COL1A1: variants seen among roughly 807,000 people sequenced by gnomAD.
COL1A1 encodes collagen alpha-1(I) chain.
COL1A1 carries 21 observed loss-of-function variants against 195.7 expected under a neutral mutation model. That is an observed-to-expected ratio of 0.11 (90% CI 0.08 to 0.15). The LOEUF is 0.15. Ranked by LOEUF, COL1A1 falls within the 10% of genes least tolerant of loss-of-function variation. The pLI, the probability that COL1A1 is intolerant of heterozygous loss-of-function variation, is 1.00. For synonymous variants in COL1A1, 749 were observed against 747.3 expected (o/e 1.00, Z -0.04); for missense variants, 1,365 against 2,051.0 (o/e 0.67, Z 6.46).
In COL1A1 at chr17:50,195,613, C is replaced by A. The variant is rs750756697; in HGVS notation, c.1109G>T (p.Arg370Leu). Residue 370 changes from arginine (R) to leucine (L), a missense_variant, in exon 17 of 51, where the codon CGT (arginine) becomes CTT (leucine). Coordinates refer to ENST00000225964, the MANE Select transcript of COL1A1 (RefSeq NM_000088.4). This position sits in a 1 kb window ranked among gnomAD's most constrained non-coding sequence, Gnocchi z 4.3. Reference protein sequence around the residue: ...PRGSEGPQGVRGEPGPPGPAG... With the variant: ...PRGSEGPQGVLGEPGPPGPAG... Reference sequence around the variant, plus strand: ...AGGGCCAGGGGGGCCAGGCTCACCACGCACACCCTGGGGACCTTCAGAGCC... The same window carrying A: ...AGGGCCAGGGGGGCCAGGCTCACCAAGCACACCCTGGGGACCTTCAGAGCC... The A allele has an allele frequency of 3.7e-6, 6 of 1,613,824 alleles. No individual in the cohort carries two copies. Among genetic ancestry groups the A allele is most frequent in the Non-Finnish European group, 5.1e-6 (6 of 1,179,920 alleles).
intron 25 of COL1A1, 103 bp downstream of exon 25, chr17:50,193,840 C>T (rs1283130569): frequency 9.7e-7 from 1 of 1,034,156 alleles, no homozygotes; most frequent in Non-Finnish European, 1.5e-6. Context: ...AGTGAGTGGC[C>T]ACACGGCAGG....
rs35017779 is a variant in COL1A1, at chr17:50,191,443, G to A, written c.2175C>T (p.Gly725=). The change falls in exon 32 of 51, where the codon GGC becomes GGT. Residue 725 remains glycine, a synonymous_variant. Coordinates refer to ENST00000225964, the MANE Select transcript of COL1A1 (RefSeq NM_000088.4). ...PGAPGSQGAP[G]LQGMPGERGA... ...CACGTTCACCAGGCATTCCCTGAAG[G>A]CCAGGGGCGCCCTGGCTACCGGGAG... 3,130 of 1,614,030 alleles carry A rather than the reference G, an allele frequency of 1.9e-3. 67 individuals are homozygous for A. In the African/African-American group the frequency reaches 0.035, roughly 18 times the overall value.
chr17:50,199,758 C>A lies in COL1A1; in HGVS notation c.293G>T (p.Gly98Val). Residue 98 changes from glycine to valine, a missense_variant, in exon 2 of 51, where the codon GGC (glycine) becomes GTC (valine). Physicochemically the swap from Gly to Val is moderately radical, Grantham distance 109. This residue lies in a region of COL1A1 where 194 missense variants were observed against 221.7 expected (regional missense o/e 0.88). Coordinates refer to ENST00000225964, the MANE Select transcript of COL1A1 (RefSeq NM_000088.4). ...EGECCPVCPDGSESPTDQETT... is the reference protein window; with the variant it reads ...EGECCPVCPDVSESPTDQETT... ...GGCCCCGAGCGCAGCCGCACCTGAG[C>A]CGTCGGGGCAGACGGGACAGCACTC... 6.2e-7 allele frequency: 1 copy of A among 1,612,390 alleles called. No homozygotes were observed. The highest frequency in any genetic ancestry group is 8.5e-7 in the Non-Finnish European group (1 of 1,179,742).
chr17:50,193,063 G>T lies in COL1A1; in HGVS notation c.1768-16C>A, dbSNP rs540488544. The T allele has an allele frequency of 6.2e-7, 1 of 1,613,468 alleles. No individual in the cohort carries two copies. Among genetic ancestry groups the T allele is most frequent in the Non-Finnish European group, 8.5e-7 (1 of 1,179,834 alleles). ...CGGGCTCTCCCTGTGGAGAAAGGGAGTTAGGGTTGAGGGGGCTGAAGTGAG... is the reference window on the plus strand; with the variant it reads ...CGGGCTCTCCCTGTGGAGAAAGGGATTTAGGGTTGAGGGGGCTGAAGTGAG... On this transcript the variant is annotated splice_polypyrimidine_tract_variant and intron_variant, in intron 25 of 50. Coordinates refer to ENST00000225964, the MANE Select transcript of COL1A1 (RefSeq NM_000088.4).
chr17:50,197,389 C>G (rs1907690257), intron 9 of COL1A1, among the ~76,000 whole-genome samples, 156 bp from the exon 10 acceptor site: 1 of 152,216 alleles, frequency 6.6e-6, no homozygotes, highest in Non-Finnish European at 1.5e-5. Flanking sequence ...TTTAAATCTA[C>G]AGTGAAACCT....
chr17:50,199,577 G>C lies in COL1A1; in HGVS notation c.312C>G (p.Asp104Glu), dbSNP rs375517119. The change falls in exon 3 of 51, where the codon GAC (aspartate) becomes GAG (glutamate). Residue 104 changes from aspartate (D) to glutamate (E), a missense_variant. Around this residue, in one of 5 missense-constraint regions of COL1A1, gnomAD observed 194 missense variants for 221.7 expected, o/e 0.88. Transcript: ENST00000225964. ...VCPDGSESPT[D>E]QETTGVEGPK... ...TTACCTCGACGCCGGTGGTTTCTTG[G>C]TCGGTGGGTGACTCTAGGGGACGAA... The C allele has an allele frequency of 3.1e-6, 5 of 1,614,044 alleles. No individual in the cohort carries two copies. In the African/African-American group the frequency reaches 5.3e-5, roughly 17 times the overall value.
chr17:50,198,223 AG>A lies in COL1A1; in HGVS notation c.544-19del, dbSNP rs1246654267. The A allele has an allele frequency of 6.2e-7, 1 of 1,613,906 alleles. No homozygotes were observed. Among genetic ancestry groups the A allele is most frequent in the Non-Finnish European group, 8.5e-7 (1 of 1,179,900 alleles). ...GAGGGACCCTATAGAGGGAGAAGAA[AG>A]GGGGGTCATGGTGATCCCTCTGTAG... On this transcript the variant is annotated intron_variant, in intron 6 of 50. Coordinates refer to ENST00000225964, the MANE Select transcript of COL1A1 (RefSeq NM_000088.4).
chr17:50,191,134 G>A (rs754593922), intron 32 of COL1A1, among the ~76,000 whole-genome samples: 3 of 152,068 alleles, frequency 2.0e-5, no homozygotes, highest in Non-Finnish European at 4.4e-5. Flanking sequence ...TTGTGTAGCG[G>A]GATGAATAAG....
chr17:50,199,679 G>T (rs1442393226), intron 2 of COL1A1, 74 bp downstream of exon 2: 9 of 1,605,414 alleles, frequency 5.6e-6, no homozygotes, highest in Non-Finnish European at 6.8e-6. Context: ...GCCAGCGAGC[G>T]CCGACCACCC....
At chr17:50,197,618 G>T in intron 9 of COL1A1, 114 bp downstream of exon 9, 2 of 855,992 alleles carry the variant, frequency 2.3e-6, no homozygotes, top group South Asian at 3.3e-5. Context: ...CATCAGAGAG[G>T]ACTTGCCCTC....
In COL1A1 at chr17:50,195,823, T is replaced by C; in HGVS notation, c.1056+100A>G. On this transcript the variant is annotated intron_variant, in intron 16 of 50. Coordinates refer to ENST00000225964, the MANE Select transcript of COL1A1 (RefSeq NM_000088.4). This position sits in a 1 kb window ranked among gnomAD's most constrained non-coding sequence, Gnocchi z 4.3. ...AGGACAAAGGTGTTAGTGAACGGGCTGCTCTCTTGCCACTCTGGGTCCCTT... is the reference window on the plus strand; with the variant it reads ...AGGACAAAGGTGTTAGTGAACGGGCCGCTCTCTTGCCACTCTGGGTCCCTT... 7.0e-7 allele frequency: 1 copy of C among 1,435,996 alleles called. No homozygotes were observed. The highest frequency in any genetic ancestry group is 2.5e-5 in the East Asian group (1 of 40,416). The allele number at this position is 1,435,996 out of a possible 1,614,324, so 89.0% of individuals were successfully genotyped here.
Position 50,188,179 on chromosome 17 carries a change from T to C in COL1A1, c.3208-30A>G. 3 of 1,535,420 alleles carry C rather than the reference T, an allele frequency of 2.0e-6. No homozygotes were observed. The highest frequency in any genetic ancestry group is 2.6e-6 in the Non-Finnish European group (3 of 1,136,884). On this transcript the variant is annotated intron_variant, in intron 43 of 50. Coordinates refer to ENST00000225964, the MANE Select transcript of COL1A1 (RefSeq NM_000088.4). This position sits in a 1 kb window ranked among gnomAD's most constrained non-coding sequence, Gnocchi z 5.6. Reference sequence around the variant, plus strand: ...GGAGAGCAAGGAAAGCATGAGCTCTTGGCCAGGGAAGGCTGAGGCTGGGGC... The same window carrying C: ...GGAGAGCAAGGAAAGCATGAGCTCTCGGCCAGGGAAGGCTGAGGCTGGGGC...
At position 50,190,196 on chromosome 17, in the gene COL1A1, T is replaced by C; in HGVS notation, c.2452-88A>G. 1.5e-6 allele frequency: 2 copies of C among 1,307,310 alleles called. No homozygotes were observed. The highest frequency in any genetic ancestry group is 2.2e-6 in the Non-Finnish European group (2 of 901,718). 81.0% of individuals were successfully genotyped at this position (1,307,310 alleles called of 1,614,324 possible). A position where few individuals can be genotyped will look rare whatever the true frequency, so the allele number is the denominator to read the frequency against. On this transcript the variant is annotated intron_variant, in intron 35 of 50. Transcript: ENST00000225964. The surrounding 1 kb of genome is among the most constrained non-coding windows in gnomAD (Gnocchi z 4.7). ...AGGAGCAGTAATGGAGGCAGGAAGATGCTTGGGTGGGAAACAATCCCGTCT... is the reference window on the plus strand; with the variant it reads ...AGGAGCAGTAATGGAGGCAGGAAGACGCTTGGGTGGGAAACAATCCCGTCT...
rs745829877 is a variant in COL1A1, at chr17:50,191,962, C to A, written c.2028+18G>T. ...GTACGACGCACCTTGACGGATGCAG[C>A]GAGAGAGGCCTACTTACTCTTGCTC... is the stretch of plus-strand genomic sequence containing the variant. On this transcript the variant is annotated intron_variant, in intron 30 of 50. Coordinates refer to ENST00000225964, the MANE Select transcript of COL1A1 (RefSeq NM_000088.4). The A allele has an allele frequency of 6.2e-7, 1 of 1,611,648 alleles. No individual in the cohort carries two copies. The highest frequency in any genetic ancestry group is 8.5e-7 in the Non-Finnish European group (1 of 1,179,134).
intron 25 of COL1A1, 59 bp from the exon 26 acceptor site, chr17:50,193,106 G>A: frequency 1.3e-6 from 2 of 1,553,912 alleles, no homozygotes; most frequent in East Asian, 2.3e-5. Flanking sequence ...GGCCTCCTGG[G>A]GCCTCTCATT....
chr17:50,191,308 G>A lies in COL1A1; in HGVS notation c.2235+75C>T. The A allele has an allele frequency of 2.3e-6, 3 of 1,277,618 alleles. No individual in the cohort carries two copies. The East Asian group carries it at 6.9e-5, about 29-fold the overall frequency. The allele number at this position is 1,277,618 out of a possible 1,614,324, so 79.1% of individuals were successfully genotyped here. A position where few individuals can be genotyped will look rare whatever the true frequency, so the allele number is the denominator to read the frequency against. On this transcript the variant is annotated intron_variant, in intron 32 of 50. Transcript: ENST00000225964. The stretch of plus-strand genomic sequence containing the variant: ...GAGGGACAGATCCCAGAGAGAAGGA[G>A]AGATGCTGAGAGATTCAAAGCAGGC...
chr17:50,187,846 G>A (rs1906691940), intron 45 of COL1A1, 30 bp downstream of exon 45: 2 of 1,541,712 alleles, frequency 1.3e-6, no homozygotes, highest in African/African-American at 2.7e-5. Context: ...AGCACAGCAT[G>A]GGGACTGGGG....
chr17:50,186,756 G>C lies in COL1A1; in HGVS notation c.3698C>G (p.Thr1233Ser). 1 of 1,613,970 alleles carries C rather than the reference G, an allele frequency of 6.2e-7. No homozygotes were observed. Among genetic ancestry groups the C allele is most frequent in the East Asian group, 2.2e-5 (1 of 44,872 alleles). Residue 1233 changes from threonine (T) to serine (S), a missense_variant, in exon 48 of 51, where the codon ACC becomes AGC. Around this residue, in one of 5 missense-constraint regions of COL1A1, gnomAD observed 273 missense variants for 338.6 expected, o/e 0.81. Coordinates refer to ENST00000225964, the MANE Select transcript of COL1A1 (RefSeq NM_000088.4). This position sits in a 1 kb window ranked among gnomAD's most constrained non-coding sequence, Gnocchi z 5.3. ...CTGCTGGCTCAGGCTCTTGAGGGTG[G>C]TGTCCACCTCGAGGTCACGGTCACG... ...VVRDRDLEVD[T>S]TLKSLSQQIE... is the part of the protein sequence containing the mutation.
In COL1A1 at chr17:50,196,598, T is replaced by G. The variant is rs1907612606; in HGVS notation, c.858+19A>C. The G allele has an allele frequency of 1.2e-6, 2 of 1,614,020 alleles. No homozygotes were observed. ...ACTCTGGGGATGTGGAGGACCATGA[T>G]GTTCAGACAGCCTCTTACCTTAGGA... On this transcript the variant is annotated intron_variant, in intron 12 of 50. Transcript: ENST00000225964.
Sources: gnomAD v4.1 joint callset for allele counts (sites outside exome capture counted in the v4.1 genomes callset) on GRCh38, gnomAD v4.1.1 for gene constraint, gnomAD v4.1.1 regional missense constraint, Gnocchi (gnomAD v3.1) non-coding constraint, MANE v1.5 for transcripts, NCBI Gene and HGNC (gene_info 2026-07-23, HGNC 2026-07-21) for gene names.